EHBP1: variants seen among roughly 807,000 people sequenced by gnomAD.
EHBP1 encodes EH domain binding protein 1, also known as EH domain-binding protein 1.
Under a neutral mutation model 144.0 loss-of-function variants are expected in EHBP1, and 55 were observed. The observed-to-expected ratio is 0.38, with a 90% CI of 0.31 to 0.48. EHBP1 has a LOEUF of 0.48. EHBP1 is among the 20% of genes least tolerant of loss of function. The pLI is 0.98. For synonymous variants in EHBP1, 469 were observed against 472.7 expected (o/e 0.99, Z 0.10); for missense variants, 1,200 against 1,364.2 (o/e 0.88, Z 1.90).
chr2:62,848,282 C>T (rs2048439622), intron 7 of EHBP1, among the ~76,000 whole-genome samples: 1 of 151,784 alleles, frequency 6.6e-6, no homozygotes, highest in African/African-American at 2.4e-5. Context: ...GGGGTTTCAC[C>T]ATGTTGGCCA....
At chr2:62,882,790 G>A (rs914383747) in intron 10 of EHBP1, among the ~76,000 whole-genome samples, 1 of 152,104 alleles carries the variant, frequency 6.6e-6, no homozygotes, top group Admixed American at 6.5e-5. Context: ...GCTGAGACAG[G>A]AGAATTGCTT....
intron 2 of EHBP1, among the ~76,000 whole-genome samples, chr2:62,740,317 G>A (rs1027663250): frequency 6.6e-6 from 1 of 152,238 alleles, no homozygotes; most frequent in Admixed American, 6.5e-5. Context: ...TATATCCTAT[G>A]TATGTACTTT....
chr2:62,974,421 G>T (rs1329172208), intron 14 of EHBP1, among the ~76,000 whole-genome samples: 2 of 152,108 alleles, frequency 1.3e-5, no homozygotes, highest in African/African-American at 4.8e-5. Context: ...TGAGTCAAAA[G>T]AAAATAAAAA....
At chr2:62,996,396 T>C (rs2059627614) in intron 18 of EHBP1, among the ~76,000 whole-genome samples, 1 of 152,170 alleles carries the variant, frequency 6.6e-6, no homozygotes, top group Non-Finnish European at 1.5e-5. Flanking sequence ...TTTTAAAATC[T>C]GGCAAATCTG....
chr2:62,801,628 C>G (rs1257659796), intron 5 of EHBP1, among the ~76,000 whole-genome samples: 1 of 152,098 alleles, frequency 6.6e-6, no homozygotes, highest in Non-Finnish European at 1.5e-5. Context: ...TTATACAACT[C>G]TTAGTAAATT....
intron 7 of EHBP1, among the ~76,000 whole-genome samples, chr2:62,841,822 G>T (rs2047902978): frequency 6.6e-6 from 1 of 151,724 alleles, no homozygotes; most frequent in Non-Finnish European, 1.5e-5. Flanking sequence ...GAATAAGTGG[G>T]TGTCTTTCCC....
At chr2:62,783,573 G>C (rs963448081) in intron 5 of EHBP1, among the ~76,000 whole-genome samples, 1 of 152,244 alleles carries the variant, frequency 6.6e-6, no homozygotes. Flanking sequence ...CCACGTAGAA[G>C]CTGCCAAGGC....
At chr2:62,745,330 T>A (rs996046707) in intron 2 of EHBP1, among the ~76,000 whole-genome samples, 1 of 151,516 alleles carries the variant, frequency 6.6e-6, no homozygotes, top group African/African-American at 2.4e-5. Context: ...AAAATAGGTG[T>A]GTCTAGGTTG....
Position 62,923,834 on chromosome 2 carries a change from G to T in EHBP1, c.1186-18884G>T, listed in dbSNP as rs865877365. On this transcript the variant is annotated intron_variant, in intron 10 of 22. Coordinates refer to ENST00000431489, the MANE Select transcript of EHBP1 (RefSeq NM_001142616.3). Reference sequence around the variant, plus strand: ...ACCTGTGTACTAGGACTGCAAAACAGTCCTGTGGGCCACACCTGGCAAACA... The same window carrying T: ...ACCTGTGTACTAGGACTGCAAAACATTCCTGTGGGCCACACCTGGCAAACA... Among the ~76,000 whole-genome samples, 5 of 152,308 alleles carry T rather than the reference G, an allele frequency of 3.3e-5. 1 individual carries two copies. The Middle Eastern group carries it at 0.017, about 518-fold the overall frequency.
At chr2:62,858,559 C>T in intron 7 of EHBP1, 1 of 1,189,430 alleles carries the variant, frequency 8.4e-7, no homozygotes, top group Non-Finnish European at 1.3e-6. Context: ...CCTGTATTTA[C>T]TGTGACCTGC....
intron 3 of EHBP1, among the ~76,000 whole-genome samples, chr2:62,757,234 T>A (rs1488793119): frequency 1.3e-5 from 2 of 151,742 alleles, no homozygotes; most frequent in Non-Finnish European, 2.9e-5. Flanking sequence ...GCTCAGGTGA[T>A]CCTCTGACCT....
intron 9 of EHBP1, 77 bp downstream of exon 9, chr2:62,865,048 T>A (rs2049932565): frequency 1.4e-6 from 2 of 1,467,746 alleles, no homozygotes; most frequent in Non-Finnish European, 1.9e-6. Flanking sequence ...AATGTACCTT[T>A]AGATGGGTAC....
rs1193920578 is a variant in EHBP1 at position 62,993,942 on chromosome 2, A to C, written c.2944A>C (p.Thr982Pro). The C allele has an allele frequency of 1.3e-6, 2 of 1,586,788 alleles. No individual in the cohort carries two copies. Among genetic ancestry groups the C allele is most frequent in the Admixed American group, 1.7e-5 (1 of 58,028 alleles). ...TGAGGAGAAGGCAGCGATAACTGAA[A>C]CTCAGAGGAAGCCATCAGAAGATGA... ...GNEEKAAITETQRKPSEDEVL... is the reference protein window; with the variant it reads ...GNEEKAAITEPQRKPSEDEVL... The change falls in exon 18 of 23, where the codon ACT becomes CCT. Residue 982 changes from threonine (T) to proline (P), a missense_variant. This residue lies in a region of EHBP1 where 543 missense variants were observed against 513.1 expected (regional missense o/e 1.06). Transcript: ENST00000431489.
intron 5 of EHBP1, among the ~76,000 whole-genome samples, chr2:62,780,339 T>C (rs1339249640): frequency 2.6e-5 from 4 of 152,106 alleles, no homozygotes; most frequent in Non-Finnish European, 5.9e-5. Flanking sequence ...TTGTATATGA[T>C]TATGGGAATG....
At chr2:62,769,197 T>C (rs1345515244) in intron 4 of EHBP1, among the ~76,000 whole-genome samples, 1 of 152,196 alleles carries the variant, frequency 6.6e-6, no homozygotes. Flanking sequence ...CGCATCCAAA[T>C]AGGAAGAGAG....
At chr2:63,028,775 C>T (rs977404119) in intron 19 of EHBP1, among the ~76,000 whole-genome samples, 4 of 152,036 alleles carry the variant, frequency 2.6e-5, no homozygotes, top group African/African-American at 9.7e-5. Flanking sequence ...ATCACAGTCC[C>T]ACTTGGCATT....
chr2:62,833,353 A>G (rs773451638), intron 7 of EHBP1, among the ~76,000 whole-genome samples: 44 of 152,250 alleles, frequency 2.9e-4, no homozygotes, highest in African/African-American at 1.0e-3. Flanking sequence ...CACCAAGATC[A>G]TTGATGAAGC....
chr2:62,956,323 T>G (rs1262612068), intron 14 of EHBP1, among the ~76,000 whole-genome samples: 2 of 152,162 alleles, frequency 1.3e-5, no homozygotes, highest in African/African-American at 4.8e-5. Context: ...TCTTCATGAA[T>G]GAGAAAACTG....
chr2:62,683,816 A>G (rs1366855752), intron 1 of EHBP1, among the ~76,000 whole-genome samples: 1 of 152,168 alleles, frequency 6.6e-6, no homozygotes, highest in Admixed American at 6.5e-5. Flanking sequence ...TGGTGACACC[A>G]TGGATGGCTG....
Sources: allele counts gnomAD v4.1 joint callset (sites outside exome capture counted in the v4.1 genomes callset), GRCh38; gene constraint gnomAD v4.1.1; regional missense constraint gnomAD v4.1.1; transcripts MANE v1.5; gene names NCBI Gene and HGNC (gene_info 2026-07-23, HGNC 2026-07-21).